Variants in SCN1A observed in about 807,000 individuals in gnomAD.
SCN1A encodes sodium channel protein type 1 subunit alpha.
In SCN1A, 13 loss-of-function variants were observed where a neutral mutation model predicts 193.7. The observed-to-expected ratio is 0.07, with a 90% CI of 0.04 to 0.11. The LOEUF (loss-of-function observed/expected upper bound fraction) is 0.11, where lower values mean the gene tolerates loss of function less well. Ranked by LOEUF, SCN1A falls within the 10% of genes least tolerant of loss-of-function variation. The pLI is 1.00. For synonymous variants in SCN1A, 781 were observed against 843.6 expected (o/e 0.93, Z 1.29); for missense variants, 1,432 against 2,451.1 (o/e 0.58, Z 8.78).
chr2:166,065,768 C>A (rs1683774377), intron 4 of SCN1A, among the ~76,000 whole-genome samples: 1 of 151,998 alleles, frequency 6.6e-6, no homozygotes, highest in Non-Finnish European at 1.5e-5. Flanking sequence ...ACTAAAATGC[C>A]CACAGAGGCT....
intron 2 of SCN1A, among the ~76,000 whole-genome samples, chr2:166,097,167 G>A (rs779917058): frequency 1.3e-5 from 2 of 151,940 alleles, no homozygotes. Context: ...GACTACAGGT[G>A]CATGCCACCA....
intron 2 of SCN1A, among the ~76,000 whole-genome samples, chr2:166,097,632 C>T (rs1207264976): frequency 2.0e-5 from 3 of 151,942 alleles, no homozygotes; most frequent in Admixed American, 6.6e-5. Context: ...CCCAGGCTGG[C>T]GTGCAGTGGC....
At chr2:166,136,618 C>T (rs945826488) in intron 1 of SCN1A, among the ~76,000 whole-genome samples, 3 of 152,102 alleles carry the variant, frequency 2.0e-5, no homozygotes, top group African/African-American at 7.2e-5. Context: ...AATTATACCT[C>T]AGATGCAGTC....
intron 19 of SCN1A, chr2:166,016,558 C>G (rs984198749): frequency 6.6e-6 from 1 of 151,856 alleles, no homozygotes; most frequent in East Asian, 1.9e-4. Flanking sequence ...ACAAAGATGG[C>G]AGAGATAATA....
chr2:166,131,718 A>AT (rs1691669021), upstream of SCN1A, among the ~76,000 whole-genome samples: 1 of 152,216 alleles, frequency 6.6e-6, no homozygotes, highest in Non-Finnish European at 1.5e-5. Context: ...CTTGCATAGA[A>AT]AATAAAGGTA....
At chr2:166,063,323 A>G (rs1683514375) in intron 4 of SCN1A, among the ~76,000 whole-genome samples, 1 of 152,140 alleles carries the variant, frequency 6.6e-6, no homozygotes, top group African/African-American at 2.4e-5. Flanking sequence ...TAACATTCAT[A>G]CAATAGGGTT....
At chr2:166,058,470 T>C (rs1699338620) in intron 5 of SCN1A, 100 bp downstream of exon 5, 1 of 694,270 alleles carries the variant, frequency 1.4e-6, no homozygotes, top group African/African-American at 1.8e-5. Context: ...TGATGAAAAC[T>C]ATATAATATG....
chr2:166,141,987 G>A (rs1470457914), intron 1 of SCN1A, among the ~76,000 whole-genome samples: 1 of 152,162 alleles, frequency 6.6e-6, no homozygotes, highest in Non-Finnish European at 1.5e-5. Flanking sequence ...TGACTGGGAA[G>A]TAGAATCTAG....
At chr2:166,030,739 G>A (rs1042862652) in intron 19 of SCN1A, among the ~76,000 whole-genome samples, 37 of 151,980 alleles carry the variant, frequency 2.4e-4, no homozygotes, top group Non-Finnish European at 4.9e-4. Flanking sequence ...AGGCTTATAA[G>A]CTCTTAATCT....
At position 165,990,130 on chromosome 2, in the gene SCN1A, G is replaced by A. The variant is rs1688940094; in HGVS notation, c.*1115C>T. 2 of 152,394 alleles carry A rather than the reference G, an allele frequency of 1.3e-5. No individual in the cohort carries two copies. The highest frequency in any genetic ancestry group is 6.6e-5 in the Admixed American group (1 of 15,244). The allele number at this position is 152,394 out of a possible 1,614,324, so 9.4% of individuals were successfully genotyped here. A position where few individuals can be genotyped will look rare whatever the true frequency, so the allele number is the denominator to read the frequency against. On this transcript the variant is annotated 3_prime_UTR_variant, in exon 29 of 29. Transcript: ENST00000674923. The stretch of plus-strand genomic sequence containing the variant: ...GATAGCATCCAAACTATCTATAAAT[G>A]GTACAGAATACATTTTATTACCTGT...
chr2:166,050,549 G>A (rs1698412451), intron 9 of SCN1A, among the ~76,000 whole-genome samples: 1 of 143,276 alleles, frequency 7.0e-6, no homozygotes, highest in Non-Finnish European at 1.5e-5. Flanking sequence ...ACTGGCATTC[G>A]TATCACCAGC....
intron 19 of SCN1A, among the ~76,000 whole-genome samples, chr2:166,031,646 T>C (rs1695570550): frequency 6.6e-6 from 1 of 152,174 alleles, no homozygotes; most frequent in Non-Finnish European, 1.5e-5. Flanking sequence ...TAGTGGAGTA[T>C]GTTACCAGTA....
Position 166,036,068 on chromosome 2 carries a change from C to G in SCN1A, c.3409G>C (p.Asp1137His). The G allele has an allele frequency of 6.2e-7, 1 of 1,613,756 alleles. No individual in the cohort carries two copies. ...LNTEDFSSESDLEESKEKLNE... is the reference protein window; with the variant it reads ...LNTEDFSSESHLEESKEKLNE... ...CTTACCTCTTTGCTTTCTTCCAGAT[C>G]CGATTCACTACTAAAGTCTTCCGTG... Residue 1137 changes from aspartate to histidine, a missense_variant, in exon 19 of 29, where the codon GAT becomes CAT. Asp to His is a moderately conservative substitution (Grantham distance 81). This residue lies in a region of SCN1A where 198 missense variants were observed against 225.8 expected (regional missense o/e 0.88). Transcript: ENST00000674923.
In SCN1A at chr2:166,039,444, A is replaced by C; in HGVS notation, c.2568T>G (p.Ser856=). The change falls in exon 17 of 29, where the codon TCT becomes TCG. Residue 856 remains serine, a synonymous_variant. Transcript: ENST00000674923. ...TTACCAATCGAAATGAACGGAGAAC[A>C]GATAATCCTTCCACATTGGCGAGTC... ...ELGLANVEGL[S]VLRSFRLLRV... 2 of 1,613,416 alleles carry C rather than the reference A, an allele frequency of 1.2e-6. No homozygotes were observed. Among genetic ancestry groups the C allele is most frequent in the Non-Finnish European group, 1.7e-6 (2 of 1,179,826 alleles).
chr2:166,135,475 A>G (rs1286144012), intron 1 of SCN1A, among the ~76,000 whole-genome samples: 1 of 152,224 alleles, frequency 6.6e-6, no homozygotes, highest in Non-Finnish European at 1.5e-5. Flanking sequence ...CAGCAAAGCC[A>G]TCTGTAAAGT....
intron 1 of SCN1A, among the ~76,000 whole-genome samples, chr2:166,141,124 C>G (rs568249695): frequency 6.6e-6 from 1 of 152,174 alleles, no homozygotes; most frequent in South Asian, 2.1e-4. Flanking sequence ...TCACCACTCC[C>G]CGGGTGTTCC....
At chr2:166,146,770 C>T (rs1692339041) in intron 1 of SCN1A, among the ~76,000 whole-genome samples, 1 of 152,154 alleles carries the variant, frequency 6.6e-6, no homozygotes, top group African/African-American at 2.4e-5. Flanking sequence ...TTTCCCATTA[C>T]AGTATTTAAC....
At chr2:166,057,620 CT>C (rs1226871703) in intron 5 of SCN1A, among the ~76,000 whole-genome samples, 2 of 151,918 alleles carry the variant, frequency 1.3e-5, no homozygotes, top group Non-Finnish European at 2.9e-5. Context: ...TATAAAAACC[CT>C]ATCATATGAT....
At chr2:166,121,141 A>C (rs945033083) in intron 2 of SCN1A, among the ~76,000 whole-genome samples, 15 of 151,662 alleles carry the variant, frequency 9.9e-5, no homozygotes, top group Non-Finnish European at 1.8e-4. Flanking sequence ...AAAGAAAAAG[A>C]AAGAAAGACA....
Sources: allele counts gnomAD v4.1 joint callset (sites outside exome capture counted in the v4.1 genomes callset), GRCh38; gene constraint gnomAD v4.1.1; regional missense constraint gnomAD v4.1.1; transcripts MANE v1.5; gene names NCBI Gene and HGNC (gene_info 2026-07-23, HGNC 2026-07-21).